The following TNRC6B variants were observed in gnomAD, a reference collection of about 807,000 sequenced individuals.
The protein encoded by TNRC6B is trinucleotide repeat-containing gene 6B protein.
Under a neutral mutation model 203.6 loss-of-function variants are expected in TNRC6B, and 52 were observed. The observed-to-expected ratio is 0.26, with a 90% CI of 0.20 to 0.32. The LOEUF (loss-of-function observed/expected upper bound fraction) is 0.32. TNRC6B is among the 10% of genes least tolerant of loss of function. The pLI, the probability that TNRC6B is intolerant of heterozygous loss-of-function variation, is 1.00. For missense variants in TNRC6B, 1,923 were observed against 2,286.2 expected (o/e 0.84, Z 3.24); for synonymous variants, 838 against 845.7 (o/e 0.99, Z 0.16).
chr22:40,051,777 A>G (rs772822132), intron 1 of TNRC6B, among the ~76,000 whole-genome samples: 1 of 152,252 alleles, frequency 6.6e-6, no homozygotes, highest in Non-Finnish European at 1.5e-5. Context: ...TACATTAAAA[A>G]AGTAGAAAGG....
chr22:40,307,468 T>A (rs967243663), intron 15 of TNRC6B, among the ~76,000 whole-genome samples: 1 of 152,176 alleles, frequency 6.6e-6, no homozygotes, highest in Non-Finnish European at 1.5e-5. Context: ...CTCCCCTGTT[T>A]CATCATTTTA....
At chr22:40,158,650 T>TGTC (rs1197686094) in intron 4 of TNRC6B, among the ~76,000 whole-genome samples, 2 of 152,186 alleles carry the variant, frequency 1.3e-5, no homozygotes, top group African/African-American at 4.8e-5. Flanking sequence ...GAATGCCATG[T>TGTC]GTCGTATCCT....
At chr22:40,095,193 T>C (rs1351928247) in intron 1 of TNRC6B, among the ~76,000 whole-genome samples, 1 of 152,232 alleles carries the variant, frequency 6.6e-6, no homozygotes, top group Non-Finnish European at 1.5e-5. Context: ...ATTTTATCAA[T>C]TAGAAATAAA....
chr22:40,300,439 TTA>T lies in TNRC6B; in HGVS notation c.3709-14_3709-13del, dbSNP rs1464411589. ...AGATTCCTTTTCTTTTCTTTCTTTTTTATTTTTTTGGCTAGGTTTCTGCCTCA... is the reference window on the plus strand; with the variant it reads ...AGATTCCTTTTCTTTTCTTTCTTTTTTTTTTTTGGCTAGGTTTCTGCCTCA... On this transcript the variant is annotated splice_polypyrimidine_tract_variant and intron_variant, in intron 12 of 22. Coordinates refer to ENST00000454349, the MANE Select transcript of TNRC6B (RefSeq NM_001162501.2). The T allele has an allele frequency of 6.5e-7, 1 of 1,534,680 alleles. No individual in the cohort carries two copies.
intron 1 of TNRC6B, among the ~76,000 whole-genome samples, chr22:40,109,982 T>C (rs1402829870): frequency 1.3e-5 from 2 of 152,202 alleles, no homozygotes; most frequent in Admixed American, 6.5e-5. Context: ...CTATCATCAT[T>C]ATCAATGTTC....
intron 1 of TNRC6B, among the ~76,000 whole-genome samples, chr22:40,216,005 C>T (rs1327039086): frequency 6.6e-6 from 1 of 152,238 alleles, no homozygotes; most frequent in Non-Finnish European, 1.5e-5. Context: ...CTTGCAGGGA[C>T]GTGAGTGGTC....
intron 3 of TNRC6B, among the ~76,000 whole-genome samples, chr22:40,142,891 C>T (rs1462008607): frequency 6.6e-6 from 1 of 152,228 alleles, no homozygotes; most frequent in African/African-American, 2.4e-5. Flanking sequence ...ATGTATGAAC[C>T]ATGACCTCTA....
At chr22:40,133,333 C>T (rs1388430708) in intron 3 of TNRC6B, among the ~76,000 whole-genome samples, 1 of 151,996 alleles carries the variant, frequency 6.6e-6, no homozygotes, top group African/African-American at 2.4e-5. Flanking sequence ...CTTTTATAGT[C>T]ATTCAGTTTT....
Position 40,277,103 on chromosome 22 carries a change from T to C in TNRC6B, c.3168T>C (p.Asp1056=), listed in dbSNP as rs761564988. 2.5e-6 allele frequency: 4 copies of C among 1,607,998 alleles called. No individual in the cohort carries two copies. In the South Asian group the frequency reaches 4.5e-5, roughly 18 times the overall value. The part of the protein sequence containing the change: ...MKCSLKGGNN[D]SWMNPLAKQF... ...GCTCACTCAAAGGAGGAAACAATGA[T>C]TCATGGATGAATCCTCTTGCCAAAC... is the stretch of plus-strand genomic sequence containing the variant. Residue 1056 remains aspartate, a synonymous_variant, in exon 8 of 23, where the codon GAT becomes GAC. Transcript: ENST00000454349.
At chr22:40,101,819 G>A (rs185218994) in intron 1 of TNRC6B, among the ~76,000 whole-genome samples, 5 of 152,308 alleles carry the variant, frequency 3.3e-5, no homozygotes, top group Admixed American at 3.3e-4. Flanking sequence ...AATCTAAAAT[G>A]AGATTTATTT....
intron 3 of TNRC6B, among the ~76,000 whole-genome samples, chr22:40,152,995 G>A (rs898097384): frequency 4.6e-5 from 7 of 151,814 alleles, no homozygotes; most frequent in African/African-American, 1.7e-4. Flanking sequence ...CCAACTACTC[G>A]GGAGGCTGAG....
intron 1 of TNRC6B, among the ~76,000 whole-genome samples, chr22:40,078,170 A>T (rs775581194): frequency 4.6e-5 from 7 of 152,238 alleles, no homozygotes; most frequent in Admixed American, 1.3e-4. Context: ...TTCATGAAGC[A>T]TCCATACTAC....
chr22:40,197,312 C>T (rs1389951545), intron 1 of TNRC6B, among the ~76,000 whole-genome samples: 1 of 151,880 alleles, frequency 6.6e-6, no homozygotes, highest in Non-Finnish European at 1.5e-5. Flanking sequence ...CAGAGTCTCA[C>T]ACTGTTGCCC....
intron 3 of TNRC6B, among the ~76,000 whole-genome samples, chr22:40,254,169 A>G (rs1029005659): frequency 7.2e-5 from 11 of 152,224 alleles, no homozygotes; most frequent in Non-Finnish European, 4.4e-5. Context: ...ATCAAATAAT[A>G]GAAAGCACTT....
At chr22:40,154,333 A>G (rs1255568420) in intron 3 of TNRC6B, among the ~76,000 whole-genome samples, 2 of 150,740 alleles carry the variant, frequency 1.3e-5, no homozygotes, top group East Asian at 3.9e-4. Context: ...GCGTGGTGGC[A>G]GGCGCCTGTA....
Position 40,201,545 on chromosome 22 carries a change from C to T in TNRC6B, c.5+23405C>T, listed in dbSNP as rs1305207970. On this transcript the variant is annotated intron_variant, in intron 1 of 22. Transcript: ENST00000454349. The stretch of plus-strand genomic sequence containing the variant: ...CGACCTCCTGGACTCAAGTGATCTT[C>T]CCACTTCAGCCTCCTGAGTAGCTGG... Among the ~76,000 whole-genome samples, 15 of 151,774 alleles carry T rather than the reference C, an allele frequency of 9.9e-5. No individual in the cohort carries two copies. The East Asian group carries it at 2.9e-3, about 29-fold the overall frequency.
At chr22:40,289,246 C>T (rs1322610591) in intron 12 of TNRC6B, among the ~76,000 whole-genome samples, 1 of 151,946 alleles carries the variant, frequency 6.6e-6, no homozygotes, top group African/African-American at 2.4e-5. Flanking sequence ...CAAGCCACTG[C>T]ACTCCAGCCT....
intron 4 of TNRC6B, among the ~76,000 whole-genome samples, chr22:40,157,373 T>A (rs1174966551): frequency 2.6e-5 from 4 of 152,188 alleles, no homozygotes; most frequent in Non-Finnish European, 5.9e-5. Context: ...TAGAAAATAG[T>A]TTAATTTTGG....
chr22:40,195,862 C>G (rs993865358), intron 1 of TNRC6B, among the ~76,000 whole-genome samples: 1 of 152,214 alleles, frequency 6.6e-6, no homozygotes, highest in Non-Finnish European at 1.5e-5. Flanking sequence ...CTCCACCTCC[C>G]AGGTTCACAC....
Sources: allele counts gnomAD v4.1 joint callset (sites outside exome capture counted in the v4.1 genomes callset), GRCh38; gene constraint gnomAD v4.1.1; transcripts MANE v1.5; gene names NCBI Gene and HGNC (gene_info 2026-07-23, HGNC 2026-07-21).